The following SAMD12 variants were observed in gnomAD, a reference collection of about 807,000 sequenced individuals.
SAMD12 encodes sterile alpha motif domain containing 12.
In SAMD12, 9 loss-of-function variants were observed where a neutral mutation model predicts 15.0. The observed-to-expected ratio is 0.60, with a 90% CI of 0.36 to 1.05. The LOEUF (loss-of-function observed/expected upper bound fraction) is 1.05. Ranked by LOEUF, SAMD12 falls within the 50% of genes least tolerant of loss-of-function variation. The pLI, the probability that SAMD12 is intolerant of heterozygous loss-of-function variation, is 0.01. For synonymous variants in SAMD12, 86 were observed against 90.1 expected (o/e 0.96, Z 0.25); for missense variants, 230 against 234.2 (o/e 0.98, Z 0.12).
rs76142382 is a variant in SAMD12, at chr8:118,279,223, T to C, written c.434-81491A>G. 3.6e-4 allele frequency among the ~76,000 whole-genome samples: 55 copies of C among 152,318 alleles called. No individual in the cohort carries two copies. In the East Asian group the frequency reaches 9.4e-3, roughly 26 times the overall value. On this transcript the variant is annotated intron_variant, in intron 4 of 4. Transcript: ENST00000409003. ...GCTCACCCCTGACAATTTTTCCCTT[T>C]GCTAGAATAGAAAGCATAACAATTA...
chr8:118,587,162 G>C (rs1477319933), intron 1 of SAMD12, among the ~76,000 whole-genome samples: 26 of 152,280 alleles, frequency 1.7e-4, no homozygotes, highest in African/African-American at 6.0e-4. Context: ...TATTAGAATT[G>C]AGATAGGTTA....
intron 2 of SAMD12, among the ~76,000 whole-genome samples, chr8:118,440,436 A>G (rs542865327): frequency 6.6e-6 from 1 of 152,250 alleles, no homozygotes; most frequent in South Asian, 2.1e-4. Context: ...AGATAACTGT[A>G]TACTAAGAAC....
At chr8:118,270,090 T>C (rs1403663499) in intron 4 of SAMD12, among the ~76,000 whole-genome samples, 1 of 152,212 alleles carries the variant, frequency 6.6e-6, no homozygotes, top group African/African-American at 2.4e-5. Flanking sequence ...TAATTGTTAC[T>C]TCCTATCACA....
chr8:118,214,407 GC>G (rs1811908089), intron 4 of SAMD12, among the ~76,000 whole-genome samples: 1 of 152,222 alleles, frequency 6.6e-6, no homozygotes, highest in Admixed American at 6.5e-5. Context: ...TATGGTTTCT[GC>G]AGCATGTTAG....
chr8:118,163,607 G>T, the SAMD12 span, among the ~76,000 whole-genome samples: 2 of 150,178 alleles, frequency 1.3e-5, no homozygotes, highest in African/African-American at 4.9e-5. Flanking sequence ...CGGGTGCGGT[G>T]GCTCACGCCT....
Position 118,379,198 on chromosome 8 carries a change from G to A in SAMD12, c.*219C>T, listed in dbSNP as rs1259962348. 6 of 1,368,172 alleles carry A rather than the reference G, an allele frequency of 4.4e-6. No homozygotes were observed. Among genetic ancestry groups the A allele is most frequent in the Non-Finnish European group, 4.7e-6 (5 of 1,060,552 alleles). The allele number at this position is 1,368,172 out of a possible 1,614,324, so 84.8% of individuals were successfully genotyped here. ...AGGTGAAGATAGCTACAGCTGGACT[G>A]TACAGTTGTGCAGGCTGCACATTAT... On this transcript the variant is annotated 3_prime_UTR_variant, in exon 4 of 4. Coordinates refer to ENST00000314727, the MANE Select transcript of SAMD12 (RefSeq NM_207506.3).
At chr8:118,490,027 C>G (rs138186087) in intron 2 of SAMD12, among the ~76,000 whole-genome samples, 76 of 152,222 alleles carry the variant, frequency 5.0e-4, no homozygotes, top group Non-Finnish European at 9.7e-4. Flanking sequence ...TGCACAGCCC[C>G]TGTCTATAGA....
intron 1 of SAMD12, among the ~76,000 whole-genome samples, chr8:118,596,005 A>C (rs184686267): frequency 6.6e-6 from 1 of 152,216 alleles, no homozygotes; most frequent in Non-Finnish European, 1.5e-5. Flanking sequence ...ACAAGATGTG[A>C]GCAGGGGAGT....
intron 2 of SAMD12, among the ~76,000 whole-genome samples, chr8:118,453,317 G>C (rs1342427198): frequency 1.3e-5 from 2 of 151,918 alleles, no homozygotes; most frequent in Non-Finnish European, 2.9e-5. Flanking sequence ...CCAATGCTGG[G>C]CTAATTAGTC....
intron 4 of SAMD12, among the ~76,000 whole-genome samples, chr8:118,359,777 G>C (rs1818400197): frequency 1.3e-5 from 2 of 152,192 alleles, no homozygotes; most frequent in Admixed American, 6.5e-5. Context: ...GCTTAGAACA[G>C]TGCTAAAACA....
chr8:118,520,582 A>G (rs1417715550), intron 2 of SAMD12, among the ~76,000 whole-genome samples: 1 of 152,202 alleles, frequency 6.6e-6, no homozygotes, highest in Non-Finnish European at 1.5e-5. Context: ...ACATAACACA[A>G]TTGAGAAGAT....
chr8:118,173,262 C>T, the SAMD12 span, among the ~76,000 whole-genome samples: 14 of 152,250 alleles, frequency 9.2e-5, no homozygotes, highest in South Asian at 6.2e-4. Flanking sequence ...TAGCTTACAA[C>T]GTGTTAGGTG....
intron 3 of SAMD12, among the ~76,000 whole-genome samples, chr8:118,431,708 G>A (rs867079539): frequency 0.023 from 3,550 of 151,770 alleles, 145 homozygotes; most frequent in African/African-American, 0.082. Context: ...GTGTGTGTGT[G>A]TGTGTGTGTG....
rs192799086 is a variant in SAMD12, at chr8:118,220,341, G to A, written c.434-22609C>T. On this transcript the variant is annotated intron_variant, in intron 4 of 4. Transcript: ENST00000409003. ...GATATATCTATCCACTATTTAAATCGACATAAATAATCTGGCCATGATTCT... is the reference window on the plus strand; with the variant it reads ...GATATATCTATCCACTATTTAAATCAACATAAATAATCTGGCCATGATTCT... Among the ~76,000 whole-genome samples, 207 of 152,150 alleles carry A rather than the reference G, an allele frequency of 1.4e-3. 1 individual carries two copies. The highest frequency in any genetic ancestry group is 6.5e-4 in the Non-Finnish European group (44 of 68,006).
intron 2 of SAMD12, among the ~76,000 whole-genome samples, chr8:118,485,960 T>G (rs1270209437): frequency 6.6e-6 from 1 of 152,174 alleles, no homozygotes; most frequent in Non-Finnish European, 1.5e-5. Context: ...GAGAATTTCA[T>G]GAAGGTAGTT....
intron 4 of SAMD12, among the ~76,000 whole-genome samples, chr8:118,367,084 G>A (rs1293463091): frequency 6.6e-6 from 1 of 151,788 alleles, no homozygotes; most frequent in Non-Finnish European, 1.5e-5. Flanking sequence ...TCTAGAATTG[G>A]CATGTAGAAA....
intron 2 of SAMD12, among the ~76,000 whole-genome samples, chr8:118,531,064 C>G (rs1340883626): frequency 1.3e-5 from 2 of 152,174 alleles, no homozygotes; most frequent in Non-Finnish European, 2.9e-5. Context: ...GGTTTTAGGT[C>G]TAATGTTTAA....
At chr8:118,528,591 C>A (rs1197964854) in intron 2 of SAMD12, among the ~76,000 whole-genome samples, 1 of 152,162 alleles carries the variant, frequency 6.6e-6, no homozygotes, top group Non-Finnish European at 1.5e-5. Flanking sequence ...ATTTTGAATT[C>A]ATATAGAGCA....
chr8:118,155,104 T>C, the SAMD12 span, among the ~76,000 whole-genome samples: 1 of 152,196 alleles, frequency 6.6e-6, no homozygotes, highest in Admixed American at 6.5e-5. Context: ...TGAATATATA[T>C]ATATGTGTGT....
Sources: gnomAD v4.1 joint callset for allele counts (sites outside exome capture counted in the v4.1 genomes callset) on GRCh38, gnomAD v4.1.1 for gene constraint, MANE v1.5 for transcripts, NCBI Gene and HGNC (gene_info 2026-07-23, HGNC 2026-07-21) for gene names.